Variants in POLR1A observed in about 807,000 individuals in gnomAD.
POLR1A encodes DNA-directed RNA polymerase I subunit RPA1.
In POLR1A, 84 loss-of-function variants were observed where a neutral mutation model predicts 205.3. The observed-to-expected ratio is 0.41, with a 90% CI of 0.34 to 0.49. The LOEUF is 0.49. POLR1A is among the 20% of genes least tolerant of loss of function. POLR1A has a pLI of 0.22. For missense variants in POLR1A, 1,645 were observed against 2,204.5 expected, an observed-to-expected ratio of 0.75 and a Z score of 5.08; for synonymous variants, 799 against 863.7, an observed-to-expected ratio of 0.93 and a Z score of 1.31.
At chr2:86,027,834 G>A in intron 33 of POLR1A, 51 bp downstream of exon 33, 1 of 1,592,542 alleles carries the variant, frequency 6.3e-7, no homozygotes, top group Non-Finnish European at 8.6e-7. Context: ...GAGCCCGTGT[G>A]CCCAGAGTCG....
intron 12 of POLR1A, among the ~76,000 whole-genome samples, 181 bp downstream of exon 12, chr2:86,074,849 C>A (rs1408673051): frequency 2.6e-5 from 4 of 152,192 alleles, no homozygotes; most frequent in Non-Finnish European, 5.9e-5. Context: ...TGTTTAAGGG[C>A]AGCCATTCTT....
Position 86,080,954 on chromosome 2 carries a change from T to C in POLR1A, c.948A>G (p.Gly316=). ...PSRYRPVSRL[G]DQMFTNGQTV... ...TCTGGCCATTAGTAAACATCTGGTC[T>C]CCTAGGCGACTGACTGGGCGATACC... is the stretch of plus-strand genomic sequence containing the variant. Residue 316 remains glycine (G), a synonymous_variant, in exon 9 of 34, where the codon GGA becomes GGG. Coordinates refer to ENST00000263857, the MANE Select transcript of POLR1A (RefSeq NM_015425.6). 4 of 1,613,458 alleles carry C rather than the reference T, an allele frequency of 2.5e-6. No homozygotes were observed. The highest frequency in any genetic ancestry group is 3.4e-6 in the Non-Finnish European group (4 of 1,179,664).
chr2:86,098,840 T>C, intron 2 of POLR1A, 80 bp from the exon 3 acceptor site: 2 of 1,342,904 alleles, frequency 1.5e-6, no homozygotes, highest in Non-Finnish European at 2.1e-6. Flanking sequence ...ACTCACAAGT[T>C]TCTTTATGTA....
At chr2:86,091,520 T>C (rs1287854319) in intron 3 of POLR1A, among the ~76,000 whole-genome samples, 1 of 152,138 alleles carries the variant, frequency 6.6e-6, no homozygotes, top group East Asian at 1.9e-4. Context: ...ACATAAACAA[T>C]ATGCTGACAT....
Position 86,083,141 on chromosome 2 carries a change from C to T in POLR1A, c.758G>A (p.Arg253Gln), listed in dbSNP as rs778313125. 5.6e-6 allele frequency: 9 copies of T among 1,613,798 alleles called. No homozygotes were observed. The Admixed American group carries it at 1.3e-4, about 24-fold the overall frequency. Residue 253 changes from arginine (R) to glutamine (Q), a missense_variant, in exon 7 of 34, where the codon CGA becomes CAA. Arg to Gln is a conservative substitution (Grantham distance 43, BLOSUM62 1). Around this residue, in one of 16 missense-constraint regions of POLR1A, gnomAD observed 330 missense variants for 375.6 expected, o/e 0.88. Coordinates refer to ENST00000263857, the MANE Select transcript of POLR1A (RefSeq NM_015425.6). ...GGCACTGGTGGGTGTTAAGTATCCT[C>T]GTTTTCCTATCTGAGCTTCCTCAAT... ...LGIEEAQIGK[R>Q]GYLTPTSARE...
At chr2:86,058,192 C>T (rs1266029342) in intron 14 of POLR1A, among the ~76,000 whole-genome samples, 1 of 152,196 alleles carries the variant, frequency 6.6e-6, no homozygotes, top group East Asian at 1.9e-4. Context: ...GCTCCACCTC[C>T]TGGGTTCAAG....
intron 20 of POLR1A, 116 bp downstream of exon 20, chr2:86,045,501 G>T: frequency 7.6e-7 from 1 of 1,312,610 alleles, no homozygotes; most frequent in Non-Finnish European, 1.1e-6. Context: ...TTTTGACCTC[G>T]ACAGCTACAA....
intron 6 of POLR1A, among the ~76,000 whole-genome samples, chr2:86,086,701 G>A (rs928473783): frequency 1.3e-5 from 2 of 152,224 alleles, no homozygotes; most frequent in African/African-American, 2.4e-5. Flanking sequence ...TCATATTTGC[G>A]TGGCTGCAAT....
In POLR1A at chr2:86,105,735, G is replaced by C. The variant is rs1414435298; in HGVS notation, c.42C>G (p.Gly14=). 2 of 1,614,086 alleles carry C rather than the reference G, an allele frequency of 1.2e-6. No homozygotes were observed. Among genetic ancestry groups the C allele is most frequent in the East Asian group, 4.5e-5 (2 of 44,880 alleles). The change falls in exon 1 of 34, where the codon GGC becomes GGG. Residue 14 remains glycine, a synonymous_variant. Transcript: ENST00000263857. ...SKNMPWRRLQ[G]ISFGMYSAEE... is the part of the protein sequence containing the mutation. Reference sequence around the variant, plus strand: ...CAGCCGAATACATCCCGAAGGAAATGCCCTGCAGCCGCCGCCAGGGCATGT... The same window carrying C: ...CAGCCGAATACATCCCGAAGGAAATCCCCTGCAGCCGCCGCCAGGGCATGT...
intron 6 of POLR1A, 113 bp from the exon 7 acceptor site, chr2:86,083,281 T>C: frequency 1.3e-6 from 1 of 749,974 alleles, no homozygotes; most frequent in South Asian, 1.5e-5. Context: ...CAAAAATCAA[T>C]CTCAAGGGTA....
intron 14 of POLR1A, 46 bp downstream of exon 14, chr2:86,065,228 G>T: frequency 6.6e-7 from 1 of 1,510,362 alleles, no homozygotes; most frequent in Non-Finnish European, 9.1e-7. Flanking sequence ...TACATGAGTG[G>T]CCTATTTCCT....
rs1673146350 is a variant in POLR1A at position 86,069,933 on chromosome 2, T to A, written c.1866+85A>T. On this transcript the variant is annotated intron_variant, in intron 13 of 33. Coordinates refer to ENST00000263857, the MANE Select transcript of POLR1A (RefSeq NM_015425.6). The stretch of plus-strand genomic sequence containing the variant: ...GCGCCCCTGTCCTGGAGCTGCCCAA[T>A]GACCCCAGGGGCTGGCAGGGCCCAA... 2.1e-6 allele frequency: 3 copies of A among 1,449,920 alleles called. No individual in the cohort carries two copies. In the South Asian group the frequency reaches 4.1e-5, roughly 20 times the overall value. 89.8% of individuals were successfully genotyped at this position (1,449,920 alleles called of 1,614,324 possible).
In POLR1A at chr2:86,044,138, C is replaced by A; in HGVS notation, c.3135+1G>T. Reference sequence around the variant, plus strand: ...CCAGGCTCCGGGATCTAGCACACTACCTCGTAGTTGCTGGCCAGGAAGGGG... The same window carrying A: ...CCAGGCTCCGGGATCTAGCACACTAACTCGTAGTTGCTGGCCAGGAAGGGG... On this transcript the variant is annotated splice_donor_variant, in intron 22 of 33. Coordinates refer to ENST00000263857, the MANE Select transcript of POLR1A (RefSeq NM_015425.6). LOFTEE classifies it high-confidence loss of function. The A allele has an allele frequency of 6.2e-7, 1 of 1,614,098 alleles. No individual in the cohort carries two copies. The highest frequency in any genetic ancestry group is 8.5e-7 in the Non-Finnish European group (1 of 1,179,972).
chr2:86,075,945 G>A (rs939993790), intron 11 of POLR1A, among the ~76,000 whole-genome samples: 2 of 152,188 alleles, frequency 1.3e-5, no homozygotes, highest in African/African-American at 4.8e-5. Context: ...CATCTACCCT[G>A]GCAGACATCA....
chr2:86,029,459 G>A (rs919211355), intron 31 of POLR1A, among the ~76,000 whole-genome samples: 8 of 152,154 alleles, frequency 5.3e-5, no homozygotes, highest in African/African-American at 1.9e-4. Context: ...GGACAGATGA[G>A]CTGGTGAGCA....
Position 86,030,187 on chromosome 2 carries a change from C to G in POLR1A, c.4779+9G>C, listed in dbSNP as rs762116364. 7.4e-6 allele frequency: 12 copies of G among 1,610,946 alleles called. No individual in the cohort carries two copies. The highest frequency in any genetic ancestry group is 1.0e-5 in the Non-Finnish European group (12 of 1,177,038). Reference sequence around the variant, plus strand: ...GCTTTGTCCCAGGCCAGCAGACAGCCTGTCTTACCTCTGCATACTTGAATA... The same window carrying G: ...GCTTTGTCCCAGGCCAGCAGACAGCGTGTCTTACCTCTGCATACTTGAATA... On this transcript the variant is annotated intron_variant, in intron 31 of 33. Transcript: ENST00000263857.
At chr2:86,094,063 G>C (rs1673658068) in intron 3 of POLR1A, among the ~76,000 whole-genome samples, 1 of 152,188 alleles carries the variant, frequency 6.6e-6, no homozygotes, top group African/African-American at 2.4e-5. Context: ...GCGATGTTGT[G>C]TTCTTTCAAC....
intron 14 of POLR1A, among the ~76,000 whole-genome samples, chr2:86,064,332 C>A (rs1279613691): frequency 6.6e-6 from 1 of 152,234 alleles, no homozygotes; most frequent in South Asian, 2.1e-4. Context: ...ACACACAGGG[C>A]TAAGATCACA....
At chr2:86,056,264 C>A (rs907089701) in intron 14 of POLR1A, among the ~76,000 whole-genome samples, 8 of 148,306 alleles carry the variant, frequency 5.4e-5, no homozygotes, top group Admixed American at 2.7e-4. Flanking sequence ...CCAACCTGGC[C>A]AACATGGTGA....
Sources: gnomAD v4.1 joint callset for allele counts (sites outside exome capture counted in the v4.1 genomes callset) on GRCh38, gnomAD v4.1.1 for gene constraint, gnomAD v4.1.1 regional missense constraint, MANE v1.5 for transcripts, NCBI Gene and HGNC (gene_info 2026-07-23, HGNC 2026-07-21) for gene names.